Variants in ZNF420 observed in about 807,000 individuals in gnomAD.
The protein encoded by ZNF420 is zinc finger protein 420, also known as ATM and p53-associated KZNF protein.
A neutral mutation model predicts 44.7 loss-of-function variants in ZNF420; 31 were observed. That is an observed-to-expected ratio of 0.69 (90% CI 0.52 to 0.94). ZNF420 has a LOEUF of 0.94. ZNF420 is among the 40% of genes least tolerant of loss of function. The pLI, the probability that ZNF420 is intolerant of heterozygous loss-of-function variation, is 0.00. For synonymous variants in ZNF420, 245 were observed against 267.4 expected, an observed-to-expected ratio of 0.92 and a Z score of 0.82; for missense variants, 681 against 827.9, an observed-to-expected ratio of 0.82 and a Z score of 2.18.
chr19:37,032,718 T>C (rs968883044), intron 1 of ZNF420, among the ~76,000 whole-genome samples: 1 of 152,116 alleles, frequency 6.6e-6, no homozygotes, highest in African/African-American at 2.4e-5. Flanking sequence ...GGCAGGAGAA[T>C]TGCTTGAACC....
At chr19:37,059,607 C>T (rs1313365952) in intron 1 of ZNF420, among the ~76,000 whole-genome samples, 2 of 152,150 alleles carry the variant, frequency 1.3e-5, no homozygotes, top group East Asian at 3.9e-4. Context: ...CAGGCTCAGG[C>T]CTGCCCGGAC....
chr19:37,042,624 A>G lies in ZNF420; in HGVS notation c.-125+34542A>G, dbSNP rs138714091. On this transcript the variant is annotated intron_variant, in intron 1 of 4. Coordinates refer to the ZNF420 transcript ENST00000587029. ...TTTTCCAATTCATCAGATAATATCT[A>G]TTGTGTGCCCAGAGGGCATGGAGTA... 6.2e-3 allele frequency among the ~76,000 whole-genome samples: 941 copies of G among 152,336 alleles called. 28 individuals carry two copies. Among genetic ancestry groups the G allele is most frequent in the East Asian group, 0.05 (258 of 5,172 alleles).
Position 37,130,269 on chromosome 19 carries a change from C to G in ZNF420, c.*1211C>G. On this transcript the variant is annotated 3_prime_UTR_variant, in exon 5 of 5. Transcript: ENST00000337995. ...GTGGAACAGCCATACTAGCTCTGGT[C>G]TGCTTGCCTCCTGTTTCTCTTTAAA... 1 of 1,446,356 alleles carries G rather than the reference C, an allele frequency of 6.9e-7. No homozygotes were observed. Among genetic ancestry groups the G allele is most frequent in the Non-Finnish European group, 9.1e-7 (1 of 1,096,384 alleles). The allele number at this position is 1,446,356 out of a possible 1,614,324, so 89.6% of individuals were successfully genotyped here.
intron 1 of ZNF420, among the ~76,000 whole-genome samples, chr19:37,018,814 C>A (rs1484579925): frequency 1.3e-5 from 2 of 152,188 alleles, no homozygotes; most frequent in Non-Finnish European, 2.9e-5. Flanking sequence ...AAGTGACCCA[C>A]CCACCTCAGC....
chr19:37,125,118 A>G (rs1042771337), intron 4 of ZNF420, among the ~76,000 whole-genome samples: 2 of 152,186 alleles, frequency 1.3e-5, no homozygotes, highest in Admixed American at 6.5e-5. Context: ...GATTACAGGC[A>G]TGAGCCACTG....
At chr19:37,022,947 C>A (rs1222632886) in intron 1 of ZNF420, among the ~76,000 whole-genome samples, 1 of 152,056 alleles carries the variant, frequency 6.6e-6, no homozygotes, top group Non-Finnish European at 1.5e-5. Context: ...ACAAGCCTGA[C>A]CAACATGGCG....
Position 37,127,621 on chromosome 19 carries a change from T to G in ZNF420, c.630T>G (p.Leu210=). The part of the protein sequence containing the change: ...CGKAFTQSSQ[L]ILHHRIHTGE... ...AGGCCTTTACTCAAAGCTCACAACT[T>G]ATTTTACATCATAGAATTCATACTG... Residue 210 remains leucine (L), a synonymous_variant, in exon 5 of 5, where the codon CTT becomes CTG. Coordinates refer to ENST00000337995, the MANE Select transcript of ZNF420 (RefSeq NM_144689.5). 1 of 1,613,870 alleles carries G rather than the reference T, an allele frequency of 6.2e-7. No homozygotes were observed.
At chr19:37,051,248 G>C (rs1223489417) in intron 1 of ZNF420, among the ~76,000 whole-genome samples, 9 of 152,304 alleles carry the variant, frequency 5.9e-5, no homozygotes, top group East Asian at 1.9e-4. Context: ...ATGAGTTAGG[G>C]AGGATTCCCT....
At chr19:37,076,236 G>T (rs1599635044), upstream of ZNF420, among the ~76,000 whole-genome samples, 2 of 151,158 alleles carry the variant, frequency 1.3e-5, no homozygotes, top group African/African-American at 4.9e-5. Context: ...TAGTGACCCA[G>T]AATCACACAG....
At chr19:37,088,706 A>C (rs1241853554) in intron 2 of ZNF420, among the ~76,000 whole-genome samples, 3 of 152,212 alleles carry the variant, frequency 2.0e-5, no homozygotes, top group Admixed American at 2.0e-4. Flanking sequence ...ATAAGCATTT[A>C]ATTATTTGTG....
chr19:37,128,503 A>G lies in ZNF420; in HGVS notation c.1512A>G (p.Glu504=). ...QRIHTGEKPY[E]CKECRMAFTQ... is the part of the protein sequence containing the mutation. ...TCCATACTGGTGAGAAACCTTATGAATGTAAAGAATGTAGAATGGCCTTTA... is the reference window on the plus strand; with the variant it reads ...TCCATACTGGTGAGAAACCTTATGAGTGTAAAGAATGTAGAATGGCCTTTA... Residue 504 remains glutamate, a synonymous_variant, in exon 5 of 5, where the codon GAA becomes GAG. Transcript: ENST00000337995. 6.2e-7 allele frequency: 1 copy of G among 1,614,058 alleles called. No individual in the cohort carries two copies. Among genetic ancestry groups the G allele is most frequent in the Non-Finnish European group, 8.5e-7 (1 of 1,179,956 alleles).
Position 37,008,083 on chromosome 19 carries a change from G to C in ZNF420, c.-125+1G>C, listed in dbSNP as rs557631889. On this transcript the variant is annotated splice_donor_variant, in intron 1 of 4. Coordinates refer to the ZNF420 transcript ENST00000587029. LOFTEE classifies it low-confidence loss of function (5UTR_SPLICE). Reference sequence around the variant, plus strand: ...TCAGGCCTGCCCGGACGGTGTGCGGGTGAGTCTCCCCAAAAGTCGTGCCCC... The same window carrying C: ...TCAGGCCTGCCCGGACGGTGTGCGGCTGAGTCTCCCCAAAAGTCGTGCCCC... The C allele has an allele frequency of 3.7e-6, 1 of 271,354 alleles. No individual in the cohort carries two copies. The highest frequency in any genetic ancestry group is 2.3e-5 in the African/African-American group (1 of 43,556). The allele number at this position is 271,354 out of a possible 1,614,324, so 16.8% of individuals were successfully genotyped here.
chr19:37,119,203 C>T (rs1199894817), intron 4 of ZNF420, among the ~76,000 whole-genome samples: 5 of 152,010 alleles, frequency 3.3e-5, no homozygotes, highest in African/African-American at 9.7e-5. Flanking sequence ...TATTCCAAAA[C>T]TGACCACATA....
chr19:37,123,021 A>C (rs971451761), intron 4 of ZNF420, among the ~76,000 whole-genome samples: 2 of 152,170 alleles, frequency 1.3e-5, no homozygotes, highest in Non-Finnish European at 2.9e-5. Context: ...AGTAAGTAGC[A>C]CTTCCATTGT....
chr19:37,009,270 G>A (rs1160393117), intron 1 of ZNF420, among the ~76,000 whole-genome samples: 1 of 152,206 alleles, frequency 6.6e-6, no homozygotes. Context: ...AGGCGGTGGA[G>A]GGATGGAGGT....
rs568274581 is a variant in ZNF420 at position 37,080,366 on chromosome 19, C to T, written c.-103C>T. On this transcript the variant is annotated 5_prime_UTR_variant, in exon 2 of 5. Coordinates refer to ENST00000337995, the MANE Select transcript of ZNF420 (RefSeq NM_144689.5). Reference sequence around the variant, plus strand: ...GTAGAGCCCAGAGGAGAAAGAATGGCTGTTTCAGTAGCAATGTCCAAGGTG... The same window carrying T: ...GTAGAGCCCAGAGGAGAAAGAATGGTTGTTTCAGTAGCAATGTCCAAGGTG... 2.0e-5 allele frequency: 3 copies of T among 152,714 alleles called. No individual in the cohort carries two copies. The highest frequency in any genetic ancestry group is 7.2e-5 in the African/African-American group (3 of 41,560). The allele number at this position is 152,714 out of a possible 1,614,324, so 9.5% of individuals were successfully genotyped here.
upstream of ZNF420, among the ~76,000 whole-genome samples, chr19:37,077,058 C>T (rs1968175516): frequency 6.6e-6 from 1 of 152,104 alleles, no homozygotes; most frequent in South Asian, 2.1e-4. Context: ...ATTTTTTTCC[C>T]TCTGAAGGAG....
intron 1 of ZNF420, among the ~76,000 whole-genome samples, chr19:37,057,405 G>A (rs1357313399): frequency 1.3e-5 from 2 of 151,282 alleles, no homozygotes; most frequent in Non-Finnish European, 2.9e-5. Context: ...GTTGCCTGGG[G>A]CTGTGTGTTT....
chr19:37,040,725 A>C (rs1407072430), intron 1 of ZNF420, among the ~76,000 whole-genome samples: 1 of 152,218 alleles, frequency 6.6e-6, no homozygotes, highest in Non-Finnish European at 1.5e-5. Context: ...ACTGAGGTAT[A>C]ACTGGACAAA....
Sources: gnomAD v4.1 joint callset for allele counts (sites outside exome capture counted in the v4.1 genomes callset) on GRCh38, gnomAD v4.1.1 for gene constraint, MANE v1.5 for transcripts, NCBI Gene and HGNC (gene_info 2026-07-23, HGNC 2026-07-21) for gene names.